SGK1: variants seen among roughly 807,000 people sequenced by gnomAD.
SGK1 encodes the protein serum/glucocorticoid regulated kinase 1, also known as serine/threonine-protein kinase Sgk1.
A neutral mutation model predicts 64.2 loss-of-function variants in SGK1; 26 were observed. The observed-to-expected ratio is 0.40, with a 90% CI of 0.30 to 0.56. SGK1 has a LOEUF of 0.56. Among genes scored for constraint, SGK1 ranks in the 20% least tolerant of loss-of-function variants. The pLI is 0.38. For synonymous variants in SGK1, 265 were observed against 239.7 expected (o/e 1.11, Z -0.98); for missense variants, 519 against 645.6 (o/e 0.80, Z 2.12).
At chr6:134,260,257 G>A (rs1022290745) in intron 2 of SGK1, 4 of 151,914 alleles carry the variant, frequency 2.6e-5, no homozygotes, top group East Asian at 3.9e-4. Flanking sequence ...GGTTGAGGTG[G>A]GAGGATCACT....
At chr6:134,231,775 C>T (rs1776281343) in intron 2 of SGK1, among the ~76,000 whole-genome samples, 1 of 152,088 alleles carries the variant, frequency 6.6e-6, no homozygotes, top group African/African-American at 2.4e-5. Context: ...TGTGGTGGCT[C>T]ACACCTGTAA....
At chr6:134,228,429 A>G (rs1315589913) in intron 2 of SGK1, among the ~76,000 whole-genome samples, 1 of 152,206 alleles carries the variant, frequency 6.6e-6, no homozygotes, top group Non-Finnish European at 1.5e-5. Context: ...ATAACATTGA[A>G]AAAAGGTAAG....
At chr6:134,241,048 CTT>C (rs10686058) in intron 2 of SGK1, among the ~76,000 whole-genome samples, 4 of 74,074 alleles carry the variant, frequency 5.4e-5, no homozygotes, top group South Asian at 6.8e-4. Flanking sequence ...TTCTTTTTTT[CTT>C]TTTTTTTTTT....
chr6:134,316,743 CAAAAAAAAAAA>C (rs141130901), intron 1 of SGK1, among the ~76,000 whole-genome samples: 12 of 39,334 alleles, frequency 3.1e-4, no homozygotes, highest in Non-Finnish European at 4.0e-4. Flanking sequence ...TGCTCTCTCC[CAAAAAAAAAAA>C]AAAAAAAAAA....
intron 3 of SGK1, among the ~76,000 whole-genome samples, chr6:134,185,688 G>A (rs558235537): frequency 1.3e-5 from 2 of 151,934 alleles, no homozygotes; most frequent in East Asian, 1.9e-4. Context: ...TTTATTAGGG[G>A]AATTGGCTCA....
chr6:134,297,456 C>A (rs1777376872), intron 1 of SGK1: 1 of 656,246 alleles, frequency 1.5e-6, no homozygotes, highest in Non-Finnish European at 2.9e-6. Context: ...GCCTTTGAGA[C>A]CCTCAGTCTC....
chr6:134,170,084 C>A lies in SGK1; in HGVS notation c.*184G>T. The A allele has an allele frequency of 2.2e-6, 1 of 459,116 alleles. No individual in the cohort carries two copies. 28.4% of individuals were successfully genotyped at this position (459,116 alleles called of 1,614,324 possible). A position where few individuals can be genotyped will look rare whatever the true frequency, so the allele number is the denominator to read the frequency against. ...AGAATAAAAATGAAAACCTCATGAGCTCACTGAGGAGAATGTGCTCTTCAA... is the reference window on the plus strand; with the variant it reads ...AGAATAAAAATGAAAACCTCATGAGATCACTGAGGAGAATGTGCTCTTCAA... On this transcript the variant is annotated 3_prime_UTR_variant, in exon 14 of 14. Transcript: ENST00000367858.
Position 134,172,202 on chromosome 6 carries a change from G to T in SGK1, c.1062C>A (p.Gly354=). ...CCAAGACAGCGCCTACCTCCGGCGT[G>T]CCACAGAAGGTGGATGTTGTGCTGT... ...EHNSTTSTFC[G]TPEYLAPEVL... is the part of the protein sequence containing the mutation. Residue 354 remains glycine, a synonymous_variant, in exon 10 of 14, where the codon GGC becomes GGA. Coordinates refer to ENST00000367858, the MANE Select transcript of SGK1 (RefSeq NM_001143676.3). 1 of 1,614,030 alleles carries T rather than the reference G, an allele frequency of 6.2e-7. No homozygotes were observed. Among genetic ancestry groups the T allele is most frequent in the Non-Finnish European group, 8.5e-7 (1 of 1,179,960 alleles).
chr6:134,305,687 C>A (rs181259409), intron 1 of SGK1, among the ~76,000 whole-genome samples: 1 of 152,028 alleles, frequency 6.6e-6, no homozygotes, highest in East Asian at 1.9e-4. Context: ...TGTTCTGTTG[C>A]CCAGGCTAGA....
At chr6:134,192,786 C>CA (rs1299851833) in intron 3 of SGK1, among the ~76,000 whole-genome samples, 6 of 151,940 alleles carry the variant, frequency 3.9e-5, no homozygotes, top group Admixed American at 3.3e-4. Flanking sequence ...GTCTGAAACT[C>CA]GACCTCAAAT....
rs375654397 is a variant in SGK1, at chr6:134,170,262, C to A, written c.*6G>T. On this transcript the variant is annotated 3_prime_UTR_variant, in exon 14 of 14. Transcript: ENST00000367858. Reference sequence around the variant, plus strand: ...AAAATCCTTTAAAACCAAGCCCTAACAGGGTTCAGAGGAAAGAGTCCGTGG... The same window carrying A: ...AAAATCCTTTAAAACCAAGCCCTAAAAGGGTTCAGAGGAAAGAGTCCGTGG... The A allele has an allele frequency of 2.7e-5, 43 of 1,603,680 alleles. 1 individual carries two copies. The highest frequency in any genetic ancestry group is 1.6e-4 in the East Asian group (7 of 44,640).
chr6:134,275,658 G>C (rs1238072805), intron 1 of SGK1, among the ~76,000 whole-genome samples: 2 of 152,114 alleles, frequency 1.3e-5, no homozygotes, highest in Non-Finnish European at 2.9e-5. Context: ...ATTGAAAAAC[G>C]CTCATCTAAA....
intron 1 of SGK1, among the ~76,000 whole-genome samples, chr6:134,304,329 C>T (rs772985408): frequency 6.6e-6 from 1 of 152,188 alleles, no homozygotes; most frequent in African/African-American, 2.4e-5. Context: ...ATAATAGTAA[C>T]ATAAATTTAG....
chr6:134,174,969 CCCCGG>C, intron 3 of SGK1: 1 of 1,358,352 alleles, frequency 7.4e-7, no homozygotes, highest in Non-Finnish European at 9.7e-7. Flanking sequence ...CCTCGCCCCG[CCCCGG>C]CCGCCTCGCG....
chr6:134,219,232 G>A (rs1004799289), intron 2 of SGK1, among the ~76,000 whole-genome samples: 1 of 151,682 alleles, frequency 6.6e-6, no homozygotes, highest in Admixed American at 6.6e-5. Context: ...GGCTGGTCTT[G>A]AACACCTGAC....
At chr6:134,254,151 A>G (rs887644647) in intron 2 of SGK1, among the ~76,000 whole-genome samples, 5 of 151,134 alleles carry the variant, frequency 3.3e-5, no homozygotes, top group African/African-American at 1.2e-4. Flanking sequence ...ATGCATCAAC[A>G]AAGTATCAAT....
chr6:134,279,389 C>T (rs888219340), intron 1 of SGK1, among the ~76,000 whole-genome samples: 10 of 151,476 alleles, frequency 6.6e-5, no homozygotes, highest in Non-Finnish European at 1.3e-4. Context: ...TGAGATGGTG[C>T]CACTGCACTC....
chr6:134,171,233 A>C, intron 11 of SGK1, 55 bp from the exon 12 acceptor site: 1 of 1,501,788 alleles, frequency 6.7e-7, no homozygotes, highest in African/African-American at 1.4e-5. Flanking sequence ...TATGGCACAC[A>C]TTACCAGTAG....
chr6:134,253,107 G>A (rs1178624998), intron 2 of SGK1, among the ~76,000 whole-genome samples: 2 of 152,130 alleles, frequency 1.3e-5, no homozygotes, highest in Non-Finnish European at 2.9e-5. Context: ...CAACAATTTT[G>A]AGAAGAAATA....
Sources: allele counts gnomAD v4.1 joint callset (sites outside exome capture counted in the v4.1 genomes callset), GRCh38; gene constraint gnomAD v4.1.1; transcripts MANE v1.5; gene names NCBI Gene and HGNC (gene_info 2026-07-23, HGNC 2026-07-21).